Variants in KLF12 observed in about 807,000 individuals in gnomAD.
The protein encoded by KLF12 is KLF transcription factor 12, also known as Krueppel-like factor 12.
KLF12 carries 9 observed loss-of-function variants against 37.8 expected under a neutral mutation model. The observed-to-expected ratio is 0.24, with a 90% CI of 0.14 to 0.42. KLF12 has a LOEUF of 0.42. Among genes scored for constraint, KLF12 ranks in the 10% least tolerant of loss-of-function variants. The pLI is 1.00. For missense variants in KLF12, 411 were observed against 516.0 expected, an observed-to-expected ratio of 0.80 and a Z score of 1.97; for synonymous variants, 208 against 202.1, an observed-to-expected ratio of 1.03 and a Z score of -0.25.
At chr13:74,005,361 T>C (rs1892383795) in intron 1 of KLF12, among the ~76,000 whole-genome samples, 1 of 152,202 alleles carries the variant, frequency 6.6e-6, no homozygotes, top group Non-Finnish European at 1.5e-5. Context: ...AATTCTCCTT[T>C]ACATAATTAT....
chr13:74,139,430 A>G, the KLF12 span, among the ~76,000 whole-genome samples: 1 of 152,350 alleles, frequency 6.6e-6, no homozygotes. Flanking sequence ...ATACGTTAAA[A>G]CACAATTTAG....
At chr13:74,103,315 C>T (rs1876468942) in intron 1 of KLF12, among the ~76,000 whole-genome samples, 1 of 152,162 alleles carries the variant, frequency 6.6e-6, no homozygotes, top group Non-Finnish European at 1.5e-5. Flanking sequence ...ATCCTTGTAG[C>T]TGATCATTTG....
At chr13:73,914,928 T>C (rs1373006421) in intron 3 of KLF12, among the ~76,000 whole-genome samples, 3 of 152,198 alleles carry the variant, frequency 2.0e-5, no homozygotes, top group Non-Finnish European at 4.4e-5. Context: ...CTAATGCTTA[T>C]ATAACAAATT....
chr13:73,709,671 C>CAT (rs1402670699), intron 7 of KLF12, among the ~76,000 whole-genome samples: 1 of 152,140 alleles, frequency 6.6e-6, no homozygotes, highest in Non-Finnish European at 1.5e-5. Context: ...CATGACTGCA[C>CAT]ATAGTAACTA....
the KLF12 span, among the ~76,000 whole-genome samples, chr13:74,171,468 T>G: frequency 6.6e-6 from 1 of 152,164 alleles, no homozygotes; most frequent in African/African-American, 2.4e-5. Context: ...TCCCATCTCA[T>G]TCTAAATAGG....
rs925514657 is a variant in KLF12, at chr13:73,757,148, A to C, written c.869+7790T>G. On this transcript the variant is annotated intron_variant, in intron 6 of 7. Coordinates refer to ENST00000377669, the MANE Select transcript of KLF12 (RefSeq NM_007249.5). ...TGTATCTCATAAATTTACACAAAAA[A>C]AGAACTTCATCTGATAAAAGGGACT... Among the ~76,000 whole-genome samples, 14 of 152,284 alleles carry C rather than the reference A, an allele frequency of 9.2e-5. No individual in the cohort carries two copies. In the South Asian group the frequency reaches 2.9e-3, roughly 32 times the overall value.
chr13:74,124,020 T>C (rs1417355635), intron 1 of KLF12, among the ~76,000 whole-genome samples: 1 of 152,166 alleles, frequency 6.6e-6, no homozygotes, highest in Non-Finnish European at 1.5e-5. Context: ...TTGTTGTTGT[T>C]AGCCCATACT....
intron 1 of KLF12, among the ~76,000 whole-genome samples, chr13:74,128,769 T>C (rs527609311): frequency 1.4e-4 from 22 of 152,222 alleles, no homozygotes; most frequent in Non-Finnish European, 2.8e-4. Context: ...GTTAGCTCGA[T>C]AATTTCAAAG....
chr13:73,902,935 T>C (rs1888103012), intron 3 of KLF12, among the ~76,000 whole-genome samples: 1 of 152,254 alleles, frequency 6.6e-6, no homozygotes, highest in Admixed American at 6.5e-5. Context: ...ATGCCATTTC[T>C]TTTGGAGAAC....
intron 3 of KLF12, among the ~76,000 whole-genome samples, chr13:73,870,689 C>T (rs918638559): frequency 2.6e-5 from 4 of 152,142 alleles, no homozygotes; most frequent in African/African-American, 7.2e-5. Context: ...TCAAGAGAAA[C>T]GGAAGGTTAA....
At chr13:73,921,756 C>T (rs944786843) in intron 3 of KLF12, among the ~76,000 whole-genome samples, 2 of 152,146 alleles carry the variant, frequency 1.3e-5, no homozygotes, top group Admixed American at 6.5e-5. Flanking sequence ...AAATAACACA[C>T]ATTTTAAAAC....
chr13:74,264,145 T>C, the KLF12 span, among the ~76,000 whole-genome samples: 2 of 152,200 alleles, frequency 1.3e-5, no homozygotes, highest in African/African-American at 4.8e-5. Context: ...TGGAATCCAG[T>C]GCAAATTGAA....
intron 4 of KLF12, among the ~76,000 whole-genome samples, chr13:73,832,994 A>G (rs1884244381): frequency 6.6e-6 from 1 of 152,232 alleles, no homozygotes; most frequent in South Asian, 2.1e-4. Flanking sequence ...TTTTATTACA[A>G]TTTATAGTGG....
intron 1 of KLF12, among the ~76,000 whole-genome samples, chr13:74,109,181 T>C (rs377699245): frequency 6.6e-6 from 1 of 152,100 alleles, no homozygotes; most frequent in African/African-American, 2.4e-5. Context: ...GATATAAAAA[T>C]ACAAATATGA....
intron 1 of KLF12, among the ~76,000 whole-genome samples, chr13:74,042,303 CAAA>C (rs547433221): frequency 5.4e-5 from 4 of 74,520 alleles, no homozygotes; most frequent in Admixed American, 4.6e-4. Flanking sequence ...GACTCCATCT[CAAA>C]AAAAAAAAAA....
At chr13:74,087,939 A>G (rs1875411154) in intron 1 of KLF12, among the ~76,000 whole-genome samples, 1 of 152,208 alleles carries the variant, frequency 6.6e-6, no homozygotes, top group South Asian at 2.1e-4. Flanking sequence ...ACTCAAGTGC[A>G]TTCTTAACAA....
chr13:73,726,474 C>G (rs1876682386), intron 6 of KLF12, among the ~76,000 whole-genome samples: 2 of 152,162 alleles, frequency 1.3e-5, no homozygotes, highest in South Asian at 4.1e-4. Flanking sequence ...AAGGACTAAT[C>G]TACTTTCTAA....
intron 1 of KLF12, among the ~76,000 whole-genome samples, chr13:74,130,992 C>T (rs4641617): frequency 0.97 from 147,337 of 152,302 alleles, 71,456 homozygotes; most frequent in Middle Eastern, 1. Flanking sequence ...TCCAGGACCT[C>T]TATATGTTCA....
chr13:74,280,752 A>ATCT, the KLF12 span, among the ~76,000 whole-genome samples: 2,113 of 152,134 alleles, frequency 0.014, 28 homozygotes, highest in South Asian at 0.033. Context: ...GAATTTTTCT[A>ATCT]TCTACCCTTT....
Sources: allele counts gnomAD v4.1 joint callset (sites outside exome capture counted in the v4.1 genomes callset), GRCh38; gene constraint gnomAD v4.1.1; transcripts MANE v1.5; gene names NCBI Gene and HGNC (gene_info 2026-07-23, HGNC 2026-07-21).